TBXAS1: variants seen among roughly 807,000 people sequenced by gnomAD.
The protein encoded by TBXAS1 is thromboxane A synthase 1, also known as thromboxane-A synthase.
Under a neutral mutation model 60.7 loss-of-function variants are expected in TBXAS1, and 48 were observed. The ratio of observed to expected loss-of-function variants is 0.79; its 90% CI spans 0.63 to 1.01. TBXAS1 has a LOEUF of 1.01. Among genes scored for constraint, TBXAS1 ranks in the 50% least tolerant of loss-of-function variants. TBXAS1 has a pLI of 0.00. For synonymous variants in TBXAS1, 287 were observed against 269.7 expected (o/e 1.06, Z -0.63); for missense variants, 685 against 686.3 (o/e 1.00, Z 0.02).
intron 4 of TBXAS1, among the ~76,000 whole-genome samples, chr7:139,918,158 CTT>C (rs1187751193): frequency 6.6e-6 from 1 of 152,120 alleles, no homozygotes; most frequent in Non-Finnish European, 1.5e-5. Flanking sequence ...GGTGAAATGT[CTT>C]TGATTTTAGT....
At chr7:139,800,117 T>C (rs941456023) in intron 4 of TBXAS1, among the ~76,000 whole-genome samples, 1 of 152,180 alleles carries the variant, frequency 6.6e-6, no homozygotes, top group Non-Finnish European at 1.5e-5. Context: ...AATGCCACCC[T>C]TTATTGAGAC....
chr7:139,894,821 A>G (rs1803953971), intron 3 of TBXAS1, among the ~76,000 whole-genome samples: 1 of 152,216 alleles, frequency 6.6e-6, no homozygotes, highest in South Asian at 2.1e-4. Flanking sequence ...CACTCAACAG[A>G]CATTTCAGTC....
chr7:139,945,950 C>T (rs1808676947), intron 5 of TBXAS1, among the ~76,000 whole-genome samples: 6 of 152,192 alleles, frequency 3.9e-5, no homozygotes, highest in Admixed American at 3.9e-4. Context: ...TCGTAATGGA[C>T]TTTGGAAGAT....
At chr7:139,823,442 C>G (rs1171949810) in intron 4 of TBXAS1, among the ~76,000 whole-genome samples, 1 of 151,924 alleles carries the variant, frequency 6.6e-6, no homozygotes, top group Non-Finnish European at 1.5e-5. Flanking sequence ...GAACAGAGTC[C>G]CTAAAAGGAT....
chr7:139,837,968 T>C (rs773093796), intron 1 of TBXAS1, among the ~76,000 whole-genome samples: 32 of 152,214 alleles, frequency 2.1e-4, no homozygotes, highest in Non-Finnish European at 4.1e-4. Context: ...AGGGATGCTC[T>C]GCTAGCATGT....
intron 1 of TBXAS1, among the ~76,000 whole-genome samples, chr7:139,868,554 G>A (rs1324103473): frequency 6.6e-6 from 1 of 151,128 alleles, no homozygotes. Context: ...TACAAAAGTA[G>A]CTCATTGTAG....
intron 9 of TBXAS1, among the ~76,000 whole-genome samples, chr7:139,992,415 A>G (rs1360187869): frequency 6.6e-6 from 1 of 152,132 alleles, no homozygotes; most frequent in African/African-American, 2.4e-5. Context: ...AGCAGAGGGG[A>G]GGGCCACTCT....
At position 140,020,069 on chromosome 7, in the gene TBXAS1, T is replaced by C. The variant is rs1815430382; in HGVS notation, c.1572T>C (p.Asn524=). 1 of 1,613,202 alleles carries C rather than the reference T, an allele frequency of 6.2e-7. No homozygotes were observed. Among genetic ancestry groups the C allele is most frequent in the Non-Finnish European group, 8.5e-7 (1 of 1,179,892 alleles). ...CCAAATCTGCCCTAGGTCCAAAAAATGGTGTCTATATCAAGATCGTATCCC... is the reference window on the plus strand; with the variant it reads ...CCAAATCTGCCCTAGGTCCAAAAAACGGTGTCTATATCAAGATCGTATCCC... ...LESKSALGPK[N]GVYIKIVSR is the part of the protein sequence containing the mutation. The change falls in exon 13 of 13, where the codon AAT becomes AAC. Residue 524 remains asparagine (N), a synonymous_variant. Transcript: ENST00000448866.
intron 1 of TBXAS1, among the ~76,000 whole-genome samples, chr7:139,842,628 G>A (rs577348752): frequency 4.6e-5 from 7 of 152,362 alleles, no homozygotes; most frequent in South Asian, 2.1e-4. Flanking sequence ...ATCTTTCCTG[G>A]TTTACCAGAA....
intron 4 of TBXAS1, among the ~76,000 whole-genome samples, chr7:139,933,386 T>TA: frequency 6.6e-6 from 1 of 152,324 alleles, no homozygotes; most frequent in East Asian, 1.9e-4. Context: ...TCCTTGGAGG[T>TA]AAGTGCTTTA....
chr7:139,859,155 G>C lies in TBXAS1; in HGVS notation c.90-13080G>C, dbSNP rs187336339. Among the ~76,000 whole-genome samples, 1,256 of 149,084 alleles carry C rather than the reference G, an allele frequency of 8.4e-3. 10 individuals are homozygous for C. The highest frequency in any genetic ancestry group is 0.027 in the South Asian group (126 of 4,638). On this transcript the variant is annotated intron_variant, in intron 1 of 12. Transcript: ENST00000448866. Reference sequence around the variant, plus strand: ...CTCCCAAAGTGCTGGGATTACAGGCGTGAGCCACCGTGCCCGGCCCAAAGC... The same window carrying C: ...CTCCCAAAGTGCTGGGATTACAGGCCTGAGCCACCGTGCCCGGCCCAAAGC...
chr7:139,980,298 C>A (rs1243413817), intron 9 of TBXAS1, among the ~76,000 whole-genome samples: 1 of 152,152 alleles, frequency 6.6e-6, no homozygotes, highest in African/African-American at 2.4e-5. Flanking sequence ...CATCTTATTT[C>A]CTGTATCAAA....
intron 4 of TBXAS1, among the ~76,000 whole-genome samples, chr7:139,816,058 G>A (rs551004448): frequency 6.6e-6 from 1 of 152,296 alleles, no homozygotes; most frequent in African/African-American, 2.4e-5. Context: ...TTGCTGTCAT[G>A]ATAGTGAGTG....
At chr7:139,821,751 G>A (rs1319570403) in intron 4 of TBXAS1, among the ~76,000 whole-genome samples, 1 of 152,196 alleles carries the variant, frequency 6.6e-6, no homozygotes, top group East Asian at 1.9e-4. Flanking sequence ...CAGCCATGGG[G>A]CCGAAGAGAG....
chr7:139,990,312 A>C (rs1356549649), intron 9 of TBXAS1, among the ~76,000 whole-genome samples: 2 of 152,220 alleles, frequency 1.3e-5, no homozygotes, highest in Non-Finnish European at 2.9e-5. Flanking sequence ...CATTCGCCCC[A>C]GCGCAGCATT....
intron 4 of TBXAS1, among the ~76,000 whole-genome samples, chr7:139,817,763 C>T (rs1252681301): frequency 6.6e-6 from 1 of 152,160 alleles, no homozygotes; most frequent in Admixed American, 6.5e-5. Flanking sequence ...TCATTATATC[C>T]TTCTTAGAAA....
chr7:139,822,796 C>T (rs143002489), intron 4 of TBXAS1, among the ~76,000 whole-genome samples: 80 of 152,270 alleles, frequency 5.3e-4, no homozygotes, highest in South Asian at 1.5e-3. Context: ...TTTCCACATC[C>T]ACTGCCTTAT....
At chr7:139,876,820 G>A (rs1293585616) in intron 3 of TBXAS1, among the ~76,000 whole-genome samples, 4 of 152,120 alleles carry the variant, frequency 2.6e-5, no homozygotes, top group Admixed American at 2.6e-4. Flanking sequence ...TTTATCATGT[G>A]TCTAAGGGTC....
rs1554466261 is a variant in TBXAS1 at position 139,805,712 on chromosome 7, T to TTTCTC, written c.-80+18287_-80+18288insTCTCT. Among the ~76,000 whole-genome samples, 421 of 44,348 alleles carry TTTCTC rather than the reference T, an allele frequency of 9.5e-3. 12 individuals carry two copies. Among genetic ancestry groups the TTTCTC allele is most frequent in the Admixed American group, 0.088 (381 of 4,308 alleles). The allele number at this position is 44,348 out of a possible 152,430, so 29.1% of individuals were successfully genotyped here. On this transcript the variant is annotated intron_variant, in intron 4 of 16. Coordinates refer to the TBXAS1 transcript ENST00000336425. ...TTTCTTTCTTTCTTTCTTTCTTTCTTTCTCTCTCTCTCTCTCTCTTTCTTT... is the reference window on the plus strand; with the variant it reads ...TTTCTTTCTTTCTTTCTTTCTTTCTTTTCTCTCTCTCTCTCTCTCTCTCTTTCTTT...
Sources: gnomAD v4.1 joint callset for allele counts (sites outside exome capture counted in the v4.1 genomes callset) on GRCh38, gnomAD v4.1.1 for gene constraint, MANE v1.5 for transcripts, NCBI Gene and HGNC (gene_info 2026-07-23, HGNC 2026-07-21) for gene names.